Variants in PDE11A observed in about 807,000 individuals in gnomAD.
PDE11A encodes the protein phosphodiesterase 11A, also known as dual 3',5'-cyclic-AMP and -GMP phosphodiesterase 11A.
Under a neutral mutation model 100.5 loss-of-function variants are expected in PDE11A, and 100 were observed. The ratio of observed to expected loss-of-function variants is 1.00; its 90% CI spans 0.85 to 1.18. The LOEUF is 1.18. Among genes scored for constraint, PDE11A ranks in the 50% most tolerant of loss-of-function variants. The pLI is 0.00. For synonymous variants in PDE11A, 381 were observed against 420.8 expected (o/e 0.91, Z 1.16); for missense variants, 1,141 against 1,152.6 (o/e 0.99, Z 0.15).
chr2:177,961,666 C>T (rs2085634997), intron 2 of PDE11A, among the ~76,000 whole-genome samples: 2 of 151,964 alleles, frequency 1.3e-5, no homozygotes, highest in South Asian at 4.2e-4. Flanking sequence ...AGCCAATTCC[C>T]ACATTTTTAC....
intron 1 of PDE11A, among the ~76,000 whole-genome samples, chr2:178,025,116 T>C (rs939566571): frequency 1.1e-4 from 16 of 152,198 alleles, no homozygotes; most frequent in Non-Finnish European, 2.1e-4. Flanking sequence ...CAGAATTTCA[T>C]TGCTGTACAG....
At chr2:178,032,166 C>CA (rs1261329603) in intron 1 of PDE11A, among the ~76,000 whole-genome samples, 5 of 151,734 alleles carry the variant, frequency 3.3e-5, no homozygotes, top group Non-Finnish European at 7.4e-5. Context: ...CACCCTAACA[C>CA]AAAAAAGGAA....
intron 8 of PDE11A, among the ~76,000 whole-genome samples, chr2:177,817,186 C>T (rs1455751927): frequency 6.6e-6 from 1 of 152,180 alleles, no homozygotes; most frequent in Non-Finnish European, 1.5e-5. Context: ...TACTTACACT[C>T]TGTTTAAGTG....
At chr2:177,894,913 C>T (rs2084586282) in intron 4 of PDE11A, among the ~76,000 whole-genome samples, 1 of 152,146 alleles carries the variant, frequency 6.6e-6, no homozygotes, top group African/African-American at 2.4e-5. Context: ...AACCAATATA[C>T]ACCTTCCATG....
chr2:177,774,923 T>C (rs1405010397), intron 9 of PDE11A, among the ~76,000 whole-genome samples: 1 of 152,212 alleles, frequency 6.6e-6, no homozygotes, highest in Non-Finnish European at 1.5e-5. Context: ...CACCTTGAGA[T>C]GGATTATCTT....
At chr2:177,903,396 T>C (rs1281801566) in intron 3 of PDE11A, among the ~76,000 whole-genome samples, 1 of 152,214 alleles carries the variant, frequency 6.6e-6, no homozygotes, top group African/African-American at 2.4e-5. Context: ...TTGCTACCTA[T>C]ACTATGCAAT....
chr2:178,090,234 A>C (rs2087404910), intron 2 of PDE11A, among the ~76,000 whole-genome samples: 1 of 152,228 alleles, frequency 6.6e-6, no homozygotes, highest in Non-Finnish European at 1.5e-5. Context: ...CCTAAAATGG[A>C]TTTAAGCCTC....
chr2:178,035,563 G>C (rs1428504980), intron 1 of PDE11A, among the ~76,000 whole-genome samples: 2 of 152,134 alleles, frequency 1.3e-5, no homozygotes, highest in Non-Finnish European at 2.9e-5. Flanking sequence ...ACCTGGCAGA[G>C]AGAGACAACA....
At chr2:177,972,634 C>T (rs931922739) in intron 2 of PDE11A, among the ~76,000 whole-genome samples, 3 of 151,752 alleles carry the variant, frequency 2.0e-5, no homozygotes, top group South Asian at 4.2e-4. Context: ...GAAGAAAAAG[C>T]TGAAAGAAAA....
chr2:178,014,509 G>C, intron 1 of PDE11A, 49 bp from the exon 2 acceptor site: 1 of 1,479,074 alleles, frequency 6.8e-7, no homozygotes, highest in Admixed American at 1.7e-5. Flanking sequence ...TTGTTGTCAG[G>C]GAGAAGGAGA....
chr2:177,795,237 G>C (rs2082689096), intron 9 of PDE11A, among the ~76,000 whole-genome samples: 1 of 152,150 alleles, frequency 6.6e-6, no homozygotes, highest in African/African-American at 2.4e-5. Context: ...TTTAGGGTGG[G>C]ACACACTTTT....
intron 19 of PDE11A, among the ~76,000 whole-genome samples, chr2:177,641,305 C>T (rs1574089289): frequency 6.6e-6 from 1 of 151,856 alleles, no homozygotes; most frequent in East Asian, 1.9e-4. Context: ...ACCATAAAGA[C>T]TGATGGAAAA....
At chr2:177,634,903 T>C (rs981325479) in intron 19 of PDE11A, among the ~76,000 whole-genome samples, 1 of 152,168 alleles carries the variant, frequency 6.6e-6, no homozygotes, top group Admixed American at 6.5e-5. Flanking sequence ...AATGCTATTG[T>C]CTAGTTTGAC....
At chr2:177,979,890 G>A (rs112621674) in intron 2 of PDE11A, among the ~76,000 whole-genome samples, 36 of 150,466 alleles carry the variant, frequency 2.4e-4, no homozygotes, top group African/African-American at 8.2e-4. Context: ...GATTACAAGC[G>A]TGAGCCACCG....
intron 2 of PDE11A, among the ~76,000 whole-genome samples, chr2:177,916,031 C>T (rs1423541396): frequency 2.6e-5 from 4 of 152,192 alleles, no homozygotes; most frequent in Admixed American, 2.6e-4. Flanking sequence ...ATAATACATT[C>T]TTATTTTCTG....
Position 177,939,798 on chromosome 2 carries a change from G to A in PDE11A, c.1072-34611C>T, listed in dbSNP as rs534082330. Among the ~76,000 whole-genome samples the A allele has an allele frequency of 1.0e-3, 155 of 152,208 alleles. 1 individual carries two copies. In the Middle Eastern group the frequency reaches 0.01, roughly 10 times the overall value. On this transcript the variant is annotated intron_variant, in intron 2 of 19. Transcript: ENST00000286063. ...GTCCTAGGCAAACCAGGACAAGTTG[G>A]GCATGTTAGCCTTCTCTTTAACAGA...
At position 177,663,881 on chromosome 2, in the gene PDE11A, G is replaced by T. The variant is rs765007321; in HGVS notation, c.2631C>A (p.Cys877Ter). ...RLQLEWIDSI[C>*]MPLYQALVKV... ...ATCAAAGTACCTGATACAAAGGCAT[G>T]CAGATGCTATCAATCCACTCCAGTT... The change falls in exon 19 of 20, where the codon TGC becomes TGA. Residue 877 changes from cysteine (C) to a stop codon, truncating the protein, a stop_gained. Coordinates refer to ENST00000286063, the MANE Select transcript of PDE11A (RefSeq NM_016953.4). LOFTEE classifies it high-confidence loss of function. The T allele has an allele frequency of 2.3e-5, 37 of 1,592,270 alleles. No individual in the cohort carries two copies. Among genetic ancestry groups the T allele is most frequent in the African/African-American group, 5.4e-5 (4 of 74,454 alleles).
intron 19 of PDE11A, among the ~76,000 whole-genome samples, chr2:177,637,954 CAT>C: frequency 7.2e-6 from 1 of 139,474 alleles, no homozygotes; most frequent in Non-Finnish European, 1.5e-5. Context: ...TATACACATA[CAT>C]ATATACGTAT....
intron 10 of PDE11A, among the ~76,000 whole-genome samples, chr2:177,755,258 T>C (rs927718194): frequency 6.6e-6 from 1 of 152,226 alleles, no homozygotes; most frequent in Non-Finnish European, 1.5e-5. Flanking sequence ...TTCTACTTAG[T>C]TGTGGAAATA....
Sources: allele counts gnomAD v4.1 joint callset (sites outside exome capture counted in the v4.1 genomes callset), GRCh38; gene constraint gnomAD v4.1.1; transcripts MANE v1.5; gene names NCBI Gene and HGNC (gene_info 2026-07-23, HGNC 2026-07-21).